The following SHC3 variants were observed in gnomAD, a reference collection of about 807,000 sequenced individuals.
The protein encoded by SHC3 is SHC-transforming protein 3.
Under a neutral mutation model 60.4 loss-of-function variants are expected in SHC3, and 15 were observed. The observed-to-expected ratio is 0.25, with a 90% CI of 0.17 to 0.38. The LOEUF (loss-of-function observed/expected upper bound fraction) is 0.38. SHC3 is among the 10% of genes least tolerant of loss of function. SHC3 has a pLI of 1.00. For synonymous variants in SHC3, 294 were observed against 325.9 expected, an observed-to-expected ratio of 0.90 and a Z score of 1.05; for missense variants, 677 against 786.1, an observed-to-expected ratio of 0.86 and a Z score of 1.66.
chr9:89,163,624 C>G (rs1484738898), intron 1 of SHC3, among the ~76,000 whole-genome samples: 2 of 144,564 alleles, frequency 1.4e-5, no homozygotes, highest in South Asian at 4.7e-4. Context: ...GGGATAGCAT[C>G]GGGAGATATA....
intron 7 of SHC3, among the ~76,000 whole-genome samples, chr9:89,050,822 A>G (rs1268096623): frequency 1.6e-4 from 25 of 152,030 alleles, no homozygotes; most frequent in Non-Finnish European, 4.4e-5. Flanking sequence ...TCTCCTACCT[A>G]CATTTGGGTT....
At chr9:89,124,884 GA>G (rs1287234259) in intron 1 of SHC3, among the ~76,000 whole-genome samples, 1 of 151,862 alleles carries the variant, frequency 6.6e-6, no homozygotes, top group Non-Finnish European at 1.5e-5. Flanking sequence ...CTGAAAAAAG[GA>G]AAAAAATATC....
chr9:89,096,519 G>A (rs760028883), intron 2 of SHC3, among the ~76,000 whole-genome samples: 1 of 152,034 alleles, frequency 6.6e-6, no homozygotes, highest in Non-Finnish European at 1.5e-5. Flanking sequence ...GAAAATGAAG[G>A]GCACGAGATT....
intron 1 of SHC3, among the ~76,000 whole-genome samples, chr9:89,119,000 AG>A (rs1440894255): frequency 6.6e-6 from 1 of 152,174 alleles, no homozygotes; most frequent in African/African-American, 2.4e-5. Flanking sequence ...ATCAGAAACT[AG>A]TATCTCAGGA....
At chr9:89,168,023 C>T (rs1404166869) in intron 1 of SHC3, among the ~76,000 whole-genome samples, 2 of 152,242 alleles carry the variant, frequency 1.3e-5, no homozygotes, top group Admixed American at 6.5e-5. Flanking sequence ...GAACCACAGC[C>T]ATGGGCCCTT....
At chr9:89,138,641 C>G (rs1026803444) in intron 1 of SHC3, among the ~76,000 whole-genome samples, 1 of 152,198 alleles carries the variant, frequency 6.6e-6, no homozygotes, top group Non-Finnish European at 1.5e-5. Flanking sequence ...TCCAGCCTAG[C>G]AGGTTTCAGC....
At chr9:89,052,233 C>A in intron 6 of SHC3, 70 bp from the exon 7 acceptor site, 1 of 1,586,828 alleles carries the variant, frequency 6.3e-7, no homozygotes, top group Non-Finnish European at 8.6e-7. Flanking sequence ...CTACAAAGAG[C>A]CCTTGCTGAG....
At chr9:89,027,359 G>C (rs186772809) in intron 11 of SHC3, among the ~76,000 whole-genome samples, 1 of 138,808 alleles carries the variant, frequency 7.2e-6, no homozygotes, top group Non-Finnish European at 1.5e-5. Flanking sequence ...TCTCGCTGTC[G>C]CCCAGGCTGG....
chr9:89,160,881 G>C (rs1826694313), intron 1 of SHC3, among the ~76,000 whole-genome samples: 1 of 152,138 alleles, frequency 6.6e-6, no homozygotes, highest in Non-Finnish European at 1.5e-5. Flanking sequence ...AATTACCAAG[G>C]AATTTACTAA....
chr9:89,112,765 G>C, intron 1 of SHC3, 139 bp from the exon 2 acceptor site: 2 of 657,408 alleles, frequency 3.0e-6, no homozygotes, highest in Non-Finnish European at 4.8e-6. Flanking sequence ...GTGAGGCTTT[G>C]TTTTGTTTCT....
chr9:89,014,540 C>T lies in SHC3; in HGVS notation c.1657-965G>A, dbSNP rs935026560. ...GGGTCAGCTGAATTCCCTGGCTTTG[C>T]TCTCCAGCCTTAGCAGTGGTCTCCT... On this transcript the variant is annotated intron_variant, in intron 11 of 11. Coordinates refer to ENST00000375835, the MANE Select transcript of SHC3 (RefSeq NM_016848.6). Among the ~76,000 whole-genome samples, 83 of 152,176 alleles carry T rather than the reference C, an allele frequency of 5.5e-4. 1 individual carries two copies. The highest frequency in any genetic ancestry group is 5.9e-5 in the Non-Finnish European group (4 of 68,038).
At chr9:89,141,443 T>C (rs1251344258) in intron 1 of SHC3, among the ~76,000 whole-genome samples, 1 of 152,182 alleles carries the variant, frequency 6.6e-6, no homozygotes, top group East Asian at 1.9e-4. Context: ...ATGAAGGAGA[T>C]AAACAGTGAT....
chr9:89,080,129 T>C (rs1353771321), intron 2 of SHC3, among the ~76,000 whole-genome samples: 1 of 152,254 alleles, frequency 6.6e-6, no homozygotes, highest in Non-Finnish European at 1.5e-5. Flanking sequence ...GCTGTTTAAG[T>C]GTAGTACGTT....
intron 11 of SHC3, among the ~76,000 whole-genome samples, chr9:89,019,586 G>T (rs1826164356): frequency 6.6e-6 from 1 of 152,058 alleles, no homozygotes; most frequent in Non-Finnish European, 1.5e-5. Context: ...ATATACAAAA[G>T]TTAATCACTT....
chr9:89,081,670 G>T lies in SHC3; in HGVS notation c.546-3767C>A, dbSNP rs185932732. On this transcript the variant is annotated intron_variant, in intron 2 of 11. Transcript: ENST00000375835. ...GTTGGCCCTGCTCCTCCCTGGGCTG[G>T]ATGGAGCCATGAATCTAATCCACTC... 4.9e-4 allele frequency among the ~76,000 whole-genome samples: 75 copies of T among 152,200 alleles called. No individual in the cohort carries two copies. In the South Asian group the frequency reaches 9.1e-3, roughly 19 times the overall value.
intron 2 of SHC3, among the ~76,000 whole-genome samples, chr9:89,105,521 C>T (rs75852999): frequency 3.9e-5 from 6 of 152,270 alleles, no homozygotes; most frequent in African/African-American, 1.4e-4. Flanking sequence ...ATATGGTTCA[C>T]CTTGATATCC....
chr9:89,023,756 T>C (rs1826241921), intron 11 of SHC3, among the ~76,000 whole-genome samples: 1 of 152,260 alleles, frequency 6.6e-6, no homozygotes, highest in Non-Finnish European at 1.5e-5. Context: ...GGTCAAGATA[T>C]CACAAGTCAT....
chr9:89,134,946 T>C (rs950629700), intron 1 of SHC3, among the ~76,000 whole-genome samples: 9 of 152,158 alleles, frequency 5.9e-5, no homozygotes, highest in Admixed American at 5.9e-4. Flanking sequence ...AACTTTTCTT[T>C]TGAGGTATTT....
chr9:89,045,661 A>G, intron 9 of SHC3, 85 bp downstream of exon 9: 1 of 1,241,234 alleles, frequency 8.1e-7, no homozygotes. Context: ...CTGTCAGTCC[A>G]CAGAAAATAG....
Sources: allele counts gnomAD v4.1 joint callset (sites outside exome capture counted in the v4.1 genomes callset), GRCh38; gene constraint gnomAD v4.1.1; transcripts MANE v1.5; gene names NCBI Gene and HGNC (gene_info 2026-07-23, HGNC 2026-07-21).